Variants in GPC5 observed in about 807,000 individuals in gnomAD.
The protein encoded by GPC5 is glypican-5.
Under a neutral mutation model 53.9 loss-of-function variants are expected in GPC5, and 47 were observed. The observed-to-expected ratio is 0.87, with a 90% CI of 0.69 to 1.11. The LOEUF (loss-of-function observed/expected upper bound fraction) is 1.11. GPC5 is among the 50% of genes most tolerant of loss of function. The pLI, the probability that GPC5 is intolerant of heterozygous loss-of-function variation, is 0.00. For missense variants in GPC5, 748 were observed against 713.1 expected (o/e 1.05, Z -0.56); for synonymous variants, 286 against 263.3 (o/e 1.09, Z -0.84).
At chr13:91,782,672 C>T (rs532484762) in intron 5 of GPC5, among the ~76,000 whole-genome samples, 10 of 152,154 alleles carry the variant, frequency 6.6e-5, no homozygotes, top group African/African-American at 2.4e-4. Context: ...ATTTTGTGTA[C>T]CTAATTTATG....
At chr13:91,941,206 A>G (rs919780434) in intron 6 of GPC5, among the ~76,000 whole-genome samples, 1 of 151,944 alleles carries the variant, frequency 6.6e-6, no homozygotes, top group African/African-American at 2.4e-5. Flanking sequence ...CTATTGGTCT[A>G]TGTGTCTGCT....
chr13:92,467,957 A>G (rs898821124), intron 7 of GPC5, among the ~76,000 whole-genome samples: 3 of 152,120 alleles, frequency 2.0e-5, no homozygotes, highest in Non-Finnish European at 2.9e-5. Flanking sequence ...AAAAGAAGAA[A>G]CAAGTTCCTG....
intron 6 of GPC5, among the ~76,000 whole-genome samples, chr13:91,983,632 T>A (rs1055208759): frequency 3.3e-5 from 5 of 152,166 alleles, no homozygotes; most frequent in Admixed American, 2.6e-4. Flanking sequence ...CTCGATTTGA[T>A]GTCAAATTGC....
intron 3 of GPC5, among the ~76,000 whole-genome samples, chr13:91,710,961 C>T (rs1051745027): frequency 6.6e-6 from 1 of 152,172 alleles, no homozygotes; most frequent in African/African-American, 2.4e-5. Context: ...GTCAAAGGCT[C>T]TAAGAAATCC....
chr13:92,348,159 A>G (rs945355362), intron 7 of GPC5, among the ~76,000 whole-genome samples: 5 of 150,540 alleles, frequency 3.3e-5, no homozygotes, highest in Non-Finnish European at 1.5e-5. Context: ...AATGCATTAA[A>G]TTCTCCAAAA....
intron 5 of GPC5, among the ~76,000 whole-genome samples, chr13:91,848,152 T>C (rs1005403190): frequency 1.3e-5 from 2 of 152,248 alleles, no homozygotes; most frequent in Non-Finnish European, 2.9e-5. Context: ...TTTCGGACCA[T>C]GCATTTACAT....
In GPC5 at chr13:92,836,481, A is replaced by G. The variant is rs188196199; in HGVS notation, c.1562-29801A>G. ...AAAATAGAATTTTATTAAGTTGTCA[A>G]AACACATGGGTATTTAATTCTGTAC... is the stretch of plus-strand genomic sequence containing the variant. On this transcript the variant is annotated intron_variant, in intron 7 of 7. Transcript: ENST00000377067. 3.2e-3 allele frequency among the ~76,000 whole-genome samples: 494 copies of G among 152,200 alleles called. 2 individuals are homozygous for G. Among genetic ancestry groups the G allele is most frequent in the Middle Eastern group, 6.8e-3 (2 of 292 alleles).
In GPC5 at chr13:91,772,779, T is replaced by A. The variant is rs908646038; in HGVS notation, c.1280+16359T>A. Among the ~76,000 whole-genome samples, 7 of 152,066 alleles carry A rather than the reference T, an allele frequency of 4.6e-5. No individual in the cohort carries two copies. In the South Asian group the frequency reaches 1.0e-3, roughly 22 times the overall value. Reference sequence around the variant, plus strand: ...AAAGTGTGGTCCCCAAATTCTCAGGTCCCCAACTCAGACCTCTAGTGAATA... The same window carrying A: ...AAAGTGTGGTCCCCAAATTCTCAGGACCCCAACTCAGACCTCTAGTGAATA... On this transcript the variant is annotated intron_variant, in intron 5 of 7. Coordinates refer to ENST00000377067, the MANE Select transcript of GPC5 (RefSeq NM_004466.6).
intron 7 of GPC5, among the ~76,000 whole-genome samples, chr13:92,593,347 A>G (rs1343243872): frequency 6.6e-6 from 1 of 151,134 alleles, no homozygotes; most frequent in East Asian, 1.9e-4. Flanking sequence ...TGAGATGCGT[A>G]TGTAAATTTT....
intron 2 of GPC5, among the ~76,000 whole-genome samples, chr13:91,662,809 G>A (rs1212655354): frequency 6.6e-6 from 1 of 152,068 alleles, no homozygotes; most frequent in African/African-American, 2.4e-5. Context: ...TACTCCTGCT[G>A]GCACTCTCTC....
intron 6 of GPC5, among the ~76,000 whole-genome samples, chr13:91,981,698 T>C (rs1048241312): frequency 1.1e-4 from 17 of 152,286 alleles, no homozygotes; most frequent in South Asian, 2.1e-4. Context: ...CCTAAACTAG[T>C]ATAGAAGACA....
intron 6 of GPC5, among the ~76,000 whole-genome samples, chr13:91,946,615 C>T (rs1192333340): frequency 6.6e-6 from 1 of 152,128 alleles, no homozygotes; most frequent in Admixed American, 6.5e-5. Context: ...TTATCCCTAA[C>T]ACCTCAGATT....
intron 7 of GPC5, among the ~76,000 whole-genome samples, chr13:92,728,915 A>T (rs1440319243): frequency 6.6e-6 from 1 of 151,358 alleles, no homozygotes; most frequent in Non-Finnish European, 1.5e-5. Context: ...CTGCATATTT[A>T]GTTAACAGCA....
chr13:91,888,538 C>T (rs887265389), intron 5 of GPC5, among the ~76,000 whole-genome samples: 1 of 152,150 alleles, frequency 6.6e-6, no homozygotes, highest in Non-Finnish European at 1.5e-5. Flanking sequence ...AATAGCTCTG[C>T]TAAGGTAAAG....
intron 5 of GPC5, among the ~76,000 whole-genome samples, chr13:91,810,038 T>C (rs1471910217): frequency 6.6e-6 from 1 of 152,022 alleles, no homozygotes; most frequent in East Asian, 1.9e-4. Flanking sequence ...TTGTCTTAAG[T>C]GGTTCTATTC....
At chr13:91,740,392 GT>G (rs1268388731) in intron 4 of GPC5, among the ~76,000 whole-genome samples, 1 of 151,786 alleles carries the variant, frequency 6.6e-6, no homozygotes, top group Non-Finnish European at 1.5e-5. Context: ...CTTTTTCCTT[GT>G]TTTGCTTCTA....
At position 91,983,285 on chromosome 13, in the gene GPC5, G is replaced by T. The variant is rs942172105; in HGVS notation, c.1401+75228G>T. Among the ~76,000 whole-genome samples, 3 of 151,888 alleles carry T rather than the reference G, an allele frequency of 2.0e-5. No individual in the cohort carries two copies. In the East Asian group the frequency reaches 5.9e-4, roughly 30 times the overall value. On this transcript the variant is annotated intron_variant, in intron 6 of 7. Coordinates refer to ENST00000377067, the MANE Select transcript of GPC5 (RefSeq NM_004466.6). ...GGCGAGAACCCGGGAGGCGGAGCTT[G>T]CAGTGAGCTGAGATAGCGCCACTGC...
At chr13:92,197,238 C>A (rs2042262823) in intron 7 of GPC5, among the ~76,000 whole-genome samples, 1 of 152,084 alleles carries the variant, frequency 6.6e-6, no homozygotes, top group South Asian at 2.1e-4. Flanking sequence ...TAAAAACCCC[C>A]AGACCATAAA....
At chr13:91,548,244 A>T (rs919058083) in intron 2 of GPC5, among the ~76,000 whole-genome samples, 1 of 152,192 alleles carries the variant, frequency 6.6e-6, no homozygotes, top group African/African-American at 2.4e-5. Context: ...AAACACCTGG[A>T]ACTAATAATC....
Sources: allele counts gnomAD v4.1 joint callset (sites outside exome capture counted in the v4.1 genomes callset), GRCh38; gene constraint gnomAD v4.1.1; transcripts MANE v1.5; gene names NCBI Gene and HGNC (gene_info 2026-07-23, HGNC 2026-07-21).